Variants in POLK observed in about 807,000 individuals in gnomAD.
The protein encoded by POLK is DNA polymerase kappa, also known as polymerase (DNA directed) kappa.
Under a neutral mutation model 94.0 loss-of-function variants are expected in POLK, and 76 were observed. The observed-to-expected ratio is 0.81, with a 90% CI of 0.67 to 0.98. The LOEUF is 0.98. Among genes scored for constraint, POLK ranks in the 50% least tolerant of loss-of-function variants. POLK has a pLI of 0.00. For missense variants in POLK, 954 were observed against 1,010.1 expected, an observed-to-expected ratio of 0.94 and a Z score of 0.75; for synonymous variants, 349 against 325.4, an observed-to-expected ratio of 1.07 and a Z score of -0.78.
downstream of POLK, among the ~76,000 whole-genome samples, chr5:75,603,992 T>C (rs1265927527): frequency 6.6e-6 from 1 of 152,198 alleles, no homozygotes; most frequent in Non-Finnish European, 1.5e-5. Context: ...CTTTCACTTA[T>C]CTCTGAATTC....
intron 12 of POLK, among the ~76,000 whole-genome samples, chr5:75,594,400 T>C (rs1467560218): frequency 6.6e-6 from 1 of 152,248 alleles, no homozygotes; most frequent in South Asian, 2.1e-4. Flanking sequence ...TGCTGCCATT[T>C]GTCTTAGTTA....
chr5:75,540,059 A>T (rs555283586), intron 1 of POLK, among the ~76,000 whole-genome samples: 3 of 152,322 alleles, frequency 2.0e-5, no homozygotes, highest in Non-Finnish European at 2.9e-5. Context: ...AAACAATATC[A>T]AGGTTAGAAC....
At chr5:75,512,023 G>T in intron 1 of POLK, 109 bp downstream of exon 1, 1 of 516,518 alleles carries the variant, frequency 1.9e-6, no homozygotes, top group East Asian at 3.5e-5. Context: ...TTCTATCCTT[G>T]CCTTGTGTGT....
intron 1 of POLK, among the ~76,000 whole-genome samples, chr5:75,532,856 A>G (rs928320897): frequency 3.3e-5 from 5 of 152,108 alleles, no homozygotes; most frequent in African/African-American, 9.7e-5. Flanking sequence ...GCATTTTTTC[A>G]TATGTTTGTT....
chr5:75,571,217 C>T (rs1349259620), intron 4 of POLK, among the ~76,000 whole-genome samples: 2 of 152,156 alleles, frequency 1.3e-5, no homozygotes, highest in African/African-American at 4.8e-5. Flanking sequence ...GTTTTCCCTT[C>T]TACTAAGCAT....
At chr5:75,511,897 G>T in exon 1 of POLK, 1 of 1,414,040 alleles carries the variant, frequency 7.1e-7, no homozygotes. Context: ...AGTTGTAGTC[G>T]CGATCCTGAG....
At chr5:75,511,288 G>A (rs547785308), upstream of POLK, 11 of 1,573,578 alleles carry the variant, frequency 7.0e-6, no homozygotes, top group Admixed American at 1.9e-5. Flanking sequence ...CGGGGTGAAG[G>A]GTCGGGGGAT....
At chr5:75,584,240 C>T (rs539284195) in intron 8 of POLK, among the ~76,000 whole-genome samples, 9 of 152,246 alleles carry the variant, frequency 5.9e-5, no homozygotes, top group African/African-American at 2.2e-4. Flanking sequence ...TTAAATTTGT[C>T]AATCCCACCA....
At chr5:75,540,305 A>T (rs1769672447) in intron 1 of POLK, among the ~76,000 whole-genome samples, 1 of 150,496 alleles carries the variant, frequency 6.6e-6, no homozygotes, top group African/African-American at 2.5e-5. Context: ...TTTTAAAGAC[A>T]CAGGCTTCAT....
At chr5:75,557,956 T>G (rs1052274748) in intron 3 of POLK, among the ~76,000 whole-genome samples, 1 of 152,098 alleles carries the variant, frequency 6.6e-6, no homozygotes, top group Non-Finnish European at 1.5e-5. Context: ...GCCTGGCTAG[T>G]TTTTGTATTT....
chr5:75,570,319 A>G (rs1043889421), intron 4 of POLK, among the ~76,000 whole-genome samples: 5 of 152,222 alleles, frequency 3.3e-5, no homozygotes, highest in African/African-American at 1.2e-4. Context: ...AAGAGAGTTG[A>G]AGAAGAAAGA....
At position 75,547,117 on chromosome 5, in the gene POLK, A is replaced by G. The variant is rs1561358041; in HGVS notation, c.95A>G (p.Asp32Gly). 5 of 1,542,820 alleles carry G rather than the reference A, an allele frequency of 3.2e-6. No individual in the cohort carries two copies. The East Asian group carries it at 1.2e-4, about 36-fold the overall frequency. Residue 32 changes from aspartate to glycine, a missense_variant, in exon 2 of 15, where the codon GAT becomes GGT. Physicochemically the swap from Asp to Gly is moderately conservative, Grantham distance 94. Coordinates refer to ENST00000241436, the Ensembl canonical transcript of POLK. ...AATAAAGCAGGAATGGAAGGATTAGATAAAGAGAAAATTAACAAAATTATA... is the reference window on the plus strand; with the variant it reads ...AATAAAGCAGGAATGGAAGGATTAGGTAAAGAGAAAATTAACAAAATTATA...
At chr5:75,530,396 CTTTTTTTT>C (rs201266079) in intron 1 of POLK, among the ~76,000 whole-genome samples, 138 of 61,610 alleles carry the variant, frequency 2.2e-3, no homozygotes, top group African/African-American at 8.7e-3. Flanking sequence ...TTCCCTTTTT[CTTTTTTTT>C]TTTTTTTTTT....
chr5:75,607,815 G>A, the POLK span, among the ~76,000 whole-genome samples: 3 of 152,170 alleles, frequency 2.0e-5, no homozygotes, highest in Admixed American at 2.0e-4. Context: ...AGGACATAAA[G>A]ATTATTAAGA....
chr5:75,533,930 A>G (rs532386121), intron 1 of POLK, among the ~76,000 whole-genome samples: 3 of 152,264 alleles, frequency 2.0e-5, no homozygotes, highest in African/African-American at 4.8e-5. Flanking sequence ...TTTTTGTACA[A>G]TGATTTTGTA....
chr5:75,580,516 A>G (rs1185089480), intron 6 of POLK: 3 of 478,844 alleles, frequency 6.3e-6, no homozygotes, highest in Admixed American at 1.3e-4. Context: ...GCCTATTAAT[A>G]ATAACGTCTC....
rs191359863 is a variant in POLK at position 75,554,418 on chromosome 5, A to G, written c.255+1827A>G. ...TTAATTTTGTAGTTTTTCCCATATA[A>G]TTTTTAATGTTTATGTAATCAAATC... On this transcript the variant is annotated intron_variant, in intron 3 of 14. Transcript: ENST00000241436. Among the ~76,000 whole-genome samples, 639 of 151,998 alleles carry G rather than the reference A, an allele frequency of 4.2e-3. 6 individuals carry two copies. The highest frequency in any genetic ancestry group is 0.015 in the African/African-American group (605 of 41,488).
At chr5:75,549,795 A>G (rs1441985613) in intron 2 of POLK, among the ~76,000 whole-genome samples, 2 of 152,098 alleles carry the variant, frequency 1.3e-5, no homozygotes, top group Non-Finnish European at 2.9e-5. Context: ...AGCATCAACA[A>G]TTACCAACAT....
In POLK at chr5:75,593,860, A is replaced by G. The variant is rs1194228133; in HGVS notation, c.1357-18A>G. On this transcript the variant is annotated intron_variant, in intron 11 of 14. Coordinates refer to ENST00000241436, the Ensembl canonical transcript of POLK. ...CCTGTCTCATAAATAAATAAATAAC[A>G]TATTGTATATGTTATAGGGTAGAAC... 4 of 1,418,104 alleles carry G rather than the reference A, an allele frequency of 2.8e-6. No individual in the cohort carries two copies. Among genetic ancestry groups the G allele is most frequent in the East Asian group, 4.6e-5 (2 of 43,174 alleles). The allele number at this position is 1,418,104 out of a possible 1,614,324, so 87.8% of individuals were successfully genotyped here.
Sources: allele counts gnomAD v4.1 joint callset (sites outside exome capture counted in the v4.1 genomes callset), GRCh38; gene constraint gnomAD v4.1.1; transcripts MANE v1.5; gene names NCBI Gene and HGNC (gene_info 2026-07-23, HGNC 2026-07-21).